The following PTBP3 variants were observed in gnomAD, a reference collection of about 807,000 sequenced individuals.
The protein encoded by PTBP3 is polypyrimidine tract-binding protein 3.
Under a neutral mutation model 58.7 loss-of-function variants are expected in PTBP3, and 20 were observed. The ratio of observed to expected loss-of-function variants is 0.34; its 90% CI spans 0.24 to 0.50. The LOEUF (loss-of-function observed/expected upper bound fraction) is 0.50, where lower values mean the gene tolerates loss of function less well. PTBP3 is among the 20% of genes least tolerant of loss of function. The probability of loss-of-function intolerance (pLI) is 0.98; values close to 1 mark genes in which losing one functional copy is unlikely to be tolerated. For synonymous variants in PTBP3, 185 were observed against 219.8 expected (o/e 0.84, Z 1.40); for missense variants, 509 against 637.2 (o/e 0.80, Z 2.17).
intron 2 of PTBP3, among the ~76,000 whole-genome samples, chr9:112,293,089 T>C (rs554761477): frequency 1.3e-5 from 2 of 152,180 alleles, no homozygotes; most frequent in Non-Finnish European, 2.9e-5. Flanking sequence ...CACAAGTTAC[T>C]CTCACAAACA....
At chr9:112,314,805 G>A (rs1367863003) in intron 1 of PTBP3, among the ~76,000 whole-genome samples, 3 of 150,954 alleles carry the variant, frequency 2.0e-5, no homozygotes, top group Non-Finnish European at 1.5e-5. Context: ...CAGAAAACCT[G>A]AATTTCAACC....
intron 7 of PTBP3, among the ~76,000 whole-genome samples, chr9:112,235,237 G>T (rs1835395138): frequency 6.6e-6 from 1 of 151,936 alleles, no homozygotes; most frequent in African/African-American, 2.4e-5. Flanking sequence ...TAACTATGCT[G>T]ATTTAAAAAA....
intron 1 of PTBP3, among the ~76,000 whole-genome samples, chr9:112,309,075 C>G (rs1829360256): frequency 6.6e-6 from 1 of 152,144 alleles, no homozygotes; most frequent in South Asian, 2.1e-4. Flanking sequence ...CATGGTTAAA[C>G]TTCATGTATC....
At chr9:112,327,799 G>GAAAA (rs112948823) in intron 1 of PTBP3, among the ~76,000 whole-genome samples, 1 of 144,360 alleles carries the variant, frequency 6.9e-6, no homozygotes. Context: ...ACTAATAGAG[G>GAAAA]AAAAAAAAAA....
chr9:112,330,530 TA>T, intron 1 of PTBP3: 1 of 1,228,040 alleles, frequency 8.1e-7, no homozygotes, highest in Non-Finnish European at 1.2e-6. Flanking sequence ...AACAAGTTTT[TA>T]AAAGACAGAG....
chr9:112,287,335 T>TA (rs1159962519), intron 2 of PTBP3, among the ~76,000 whole-genome samples: 1 of 8,368 alleles, frequency 1.2e-4, no homozygotes, highest in South Asian at 9.1e-3. Context: ...TCTTTTTCAG[T>TA]TTTTTGTTTT....
rs560094882 is a variant in PTBP3, at chr9:112,235,614, T to C, written c.803-717A>G. Among the ~76,000 whole-genome samples, 11 of 152,256 alleles carry C rather than the reference T, an allele frequency of 7.2e-5. 1 individual carries two copies. The highest frequency in any genetic ancestry group is 2.2e-4 in the African/African-American group (9 of 41,560). The stretch of plus-strand genomic sequence containing the variant: ...TGGGGGAACATCAAATTTAAGATGA[T>C]GATGAGATATTCAAAAAGAAATGGC... On this transcript the variant is annotated intron_variant, in intron 7 of 13. Transcript: ENST00000374257.
intron 1 of PTBP3, among the ~76,000 whole-genome samples, chr9:112,327,266 T>C (rs973950916): frequency 1.3e-5 from 2 of 150,502 alleles, no homozygotes; most frequent in Non-Finnish European, 3.0e-5. Flanking sequence ...TTTCAAAATA[T>C]AAAAATTACA....
At chr9:112,293,150 T>C (rs1828520238) in intron 2 of PTBP3, among the ~76,000 whole-genome samples, 1 of 152,218 alleles carries the variant, frequency 6.6e-6, no homozygotes, top group Non-Finnish European at 1.5e-5. Context: ...CTATATTTAT[T>C]GGCTTATTCA....
intron 3 of PTBP3, among the ~76,000 whole-genome samples, chr9:112,268,793 T>A (rs1211449926): frequency 6.6e-6 from 1 of 152,100 alleles, no homozygotes; most frequent in East Asian, 1.9e-4. Context: ...TCCTTTTATT[T>A]CTGTTTCTTT....
intron 1 of PTBP3, among the ~76,000 whole-genome samples, chr9:112,328,291 C>T (rs989610589): frequency 6.6e-6 from 1 of 152,166 alleles, no homozygotes; most frequent in African/African-American, 2.4e-5. Context: ...AATTAAGATT[C>T]CTTGGATGGA....
chr9:112,350,333 C>T, the PTBP3 span, among the ~76,000 whole-genome samples: 2 of 151,926 alleles, frequency 1.3e-5, no homozygotes, highest in East Asian at 1.9e-4. Context: ...AGAACTTATT[C>T]ATGTACAAAA....
At chr9:112,284,069 T>G (rs1468393144) in intron 2 of PTBP3, among the ~76,000 whole-genome samples, 5 of 152,152 alleles carry the variant, frequency 3.3e-5, no homozygotes, top group Non-Finnish European at 5.9e-5. Flanking sequence ...GGAGCCCTCA[T>G]AGAGAAGCTC....
In PTBP3 at chr9:112,321,491, T is replaced by C. The variant is rs1829946519; in HGVS notation, c.-52+11979A>G. ...TTGCAGTAAGCCAAGATCGCACCAC[T>C]GCACCCCAGCCTGGGCAACAGAGTG... On this transcript the variant is annotated intron_variant, in intron 1 of 13. Coordinates refer to ENST00000374257, the MANE Select transcript of PTBP3 (RefSeq NM_001163788.4). Among the ~76,000 whole-genome samples the C allele has an allele frequency of 2.1e-5, 3 of 145,222 alleles. No individual in the cohort carries two copies. The South Asian group carries it at 6.5e-4, about 31-fold the overall frequency.
intron 1 of PTBP3, among the ~76,000 whole-genome samples, chr9:112,327,234 C>A (rs1303479144): frequency 5.3e-5 from 8 of 150,550 alleles, no homozygotes; most frequent in African/African-American, 2.0e-4. Flanking sequence ...ATAGCAAATA[C>A]GTCTCAGTTT....
chr9:112,267,902 T>TG (rs1827167720), intron 4 of PTBP3, 147 bp downstream of exon 4: 3 of 658,176 alleles, frequency 4.6e-6, no homozygotes, highest in Non-Finnish European at 6.7e-6. Context: ...TCTTAAGAAT[T>TG]GGGGGGAAGA....
chr9:112,341,311 T>C, the PTBP3 span, among the ~76,000 whole-genome samples: 4 of 152,050 alleles, frequency 2.6e-5, no homozygotes, highest in Non-Finnish European at 5.9e-5. Flanking sequence ...TTTGTATTTT[T>C]AGTAGAGATG....
intron 2 of PTBP3, among the ~76,000 whole-genome samples, chr9:112,295,819 T>C (rs1250096111): frequency 1.3e-5 from 2 of 152,158 alleles, no homozygotes; most frequent in African/African-American, 2.4e-5. Context: ...ATGATCAACA[T>C]TTCACATTAA....
chr9:112,280,775 G>C (rs1827825612), intron 2 of PTBP3, among the ~76,000 whole-genome samples: 1 of 53,520 alleles, frequency 1.9e-5, no homozygotes, highest in Non-Finnish European at 3.3e-5. Context: ...GTATGTGTGT[G>C]TGTGTGTGTG....
Sources: allele counts gnomAD v4.1 joint callset (sites outside exome capture counted in the v4.1 genomes callset), GRCh38; gene constraint gnomAD v4.1.1; transcripts MANE v1.5; gene names NCBI Gene and HGNC (gene_info 2026-07-23, HGNC 2026-07-21).